USP14: variants seen among roughly 807,000 people sequenced by gnomAD.
USP14 encodes ubiquitin carboxyl-terminal hydrolase 14.
Under a neutral mutation model 76.5 loss-of-function variants are expected in USP14, and 38 were observed. That is an observed-to-expected ratio of 0.50 (90% CI 0.38 to 0.65). The LOEUF is 0.65. Among genes scored for constraint, USP14 ranks in the 30% least tolerant of loss-of-function variants. The pLI, the probability that USP14 is intolerant of heterozygous loss-of-function variation, is 0.00. For missense variants in USP14, 467 were observed against 586.5 expected, an observed-to-expected ratio of 0.80 and a Z score of 2.10; for synonymous variants, 192 against 191.7, an observed-to-expected ratio of 1.00 and a Z score of -0.01.
At chr18:189,462 T>G (rs1910025839) in intron 5 of USP14, among the ~76,000 whole-genome samples, 1 of 151,994 alleles carries the variant, frequency 6.6e-6, no homozygotes, top group African/African-American at 2.4e-5. Flanking sequence ...ATCTTTTCCT[T>G]TTAGCTCAGT....
chr18:196,628 G>A lies in USP14; in HGVS notation c.464-9G>A. ...GTTTTACTAAGGCAATGTTTGCTTT[G>A]TCTTTAAGCCCTTAGAGATTTGTTT... is the stretch of plus-strand genomic sequence containing the variant. On this transcript the variant is annotated splice_polypyrimidine_tract_variant and intron_variant, in intron 6 of 15. Transcript: ENST00000261601. The A allele has an allele frequency of 6.2e-7, 1 of 1,608,586 alleles. No individual in the cohort carries two copies. Among genetic ancestry groups the A allele is most frequent in the Non-Finnish European group, 8.5e-7 (1 of 1,177,730 alleles).
chr18:184,380 AG>A (rs2143027244), intron 5 of USP14, among the ~76,000 whole-genome samples: 2 of 152,290 alleles, frequency 1.3e-5, no homozygotes, highest in South Asian at 4.1e-4. Context: ...ATTCCACGAG[AG>A]GTGTTTTACA....
At chr18:201,127 TC>T (rs1367047300) in intron 10 of USP14, among the ~76,000 whole-genome samples, 1 of 152,196 alleles carries the variant, frequency 6.6e-6, no homozygotes, top group Non-Finnish European at 1.5e-5. Flanking sequence ...AAAGTTAGCT[TC>T]TTCCTAAACA....
At chr18:169,991 T>C (rs1376901056) in intron 3 of USP14, among the ~76,000 whole-genome samples, 1 of 151,968 alleles carries the variant, frequency 6.6e-6, no homozygotes, top group African/African-American at 2.4e-5. Context: ...CAAGACAGTA[T>C]TGAAATTAGG....
intron 15 of USP14, 69 bp downstream of exon 15, chr18:210,562 A>C: frequency 8.1e-7 from 1 of 1,229,216 alleles, no homozygotes; most frequent in Non-Finnish European, 1.1e-6. Context: ...ATTTTATAGC[A>C]GTGTGGTTTT....
intron 6 of USP14, among the ~76,000 whole-genome samples, chr18:194,484 TACTA>T (rs749286111): frequency 2.0e-5 from 3 of 152,248 alleles, no homozygotes; most frequent in Non-Finnish European, 2.9e-5. Context: ...ATTCACCAGT[TACTA>T]ACTTTTAGTC....
chr18:203,523 G>A (rs966377713), intron 12 of USP14, among the ~76,000 whole-genome samples: 11 of 152,004 alleles, frequency 7.2e-5, no homozygotes, highest in Middle Eastern at 3.2e-3. Flanking sequence ...CCTAGACCAC[G>A]TCCTCAGCTT....
At chr18:181,940 A>G (rs780129343) in intron 5 of USP14, among the ~76,000 whole-genome samples, 2 of 152,088 alleles carry the variant, frequency 1.3e-5, no homozygotes, top group African/African-American at 2.4e-5. Context: ...TTGCATGTGT[A>G]TATCCAGTTC....
Position 213,234 on chromosome 18 carries a change from G to A in USP14, c.*1950G>A. 1 of 152,258 alleles carries A rather than the reference G, an allele frequency of 6.6e-6. No homozygotes were observed. Among genetic ancestry groups the A allele is most frequent in the African/African-American group, 2.4e-5 (1 of 41,556 alleles). The allele number at this position is 152,258 out of a possible 1,614,324, so 9.4% of individuals were successfully genotyped here. A position where few individuals can be genotyped will look rare whatever the true frequency, so the allele number is the denominator to read the frequency against. On this transcript the variant is annotated 3_prime_UTR_variant, in exon 16 of 16. Coordinates refer to ENST00000261601, the MANE Select transcript of USP14 (RefSeq NM_005151.4). Reference sequence around the variant, plus strand: ...TTAACAATTAGAATTTAGATTTTCTGACTGTAGCTACTAAATGTTGTAGCT... The same window carrying A: ...TTAACAATTAGAATTTAGATTTTCTAACTGTAGCTACTAAATGTTGTAGCT...
chr18:181,977 T>A (rs912146182), intron 5 of USP14, among the ~76,000 whole-genome samples: 1 of 152,302 alleles, frequency 6.6e-6, no homozygotes, highest in Non-Finnish European at 1.5e-5. Context: ...TGAAGGCTAT[T>A]GTTTCCCCAC....
At chr18:159,152 G>GTTCGCCGCCCTTCGTCGTCC (rs1909043941) in intron 1 of USP14, 1 of 167,416 alleles carries the variant, frequency 6.0e-6, no homozygotes, top group Non-Finnish European at 1.3e-5. Flanking sequence ...GCCAAGCGGC[G>GTTCGCCGCCCTTCGTCGTCC]TTCGCCGCCC....
chr18:205,801 G>A (rs778941121), intron 13 of USP14, among the ~76,000 whole-genome samples: 1 of 151,990 alleles, frequency 6.6e-6, no homozygotes, highest in Admixed American at 6.6e-5. Context: ...TTATACAAAC[G>A]AAATAAAAAC....
chr18:162,958 T>A (rs1011002103), intron 1 of USP14: 1 of 162,084 alleles, frequency 6.2e-6, no homozygotes, highest in Non-Finnish European at 1.3e-5. Context: ...CCACCACACC[T>A]GGCTAATTTT....
At chr18:202,985 C>G (rs757355988) in intron 11 of USP14, 40 bp downstream of exon 11, 2 of 1,608,560 alleles carry the variant, frequency 1.2e-6, no homozygotes, top group Admixed American at 3.3e-5. Context: ...TTCCGCTTCA[C>G]TGAAATATTT....
intron 5 of USP14, among the ~76,000 whole-genome samples, chr18:189,552 G>T (rs746405458): frequency 6.6e-6 from 1 of 151,686 alleles, no homozygotes; most frequent in Non-Finnish European, 1.5e-5. Flanking sequence ...GCACAATCTC[G>T]GCTCACTGCA....
At chr18:197,563 T>C (rs543124762) in intron 7 of USP14, 53 bp from the exon 8 acceptor site, 1 of 1,434,570 alleles carries the variant, frequency 7.0e-7, no homozygotes, top group African/African-American at 1.4e-5. Context: ...TGGAAGAACT[T>C]TGTAGATCAT....
chr18:184,166 C>T (rs565185436), intron 5 of USP14, among the ~76,000 whole-genome samples: 115 of 151,924 alleles, frequency 7.6e-4, no homozygotes, highest in Middle Eastern at 3.4e-3. Flanking sequence ...TTACTTTTTT[C>T]GCTTTTTGGT....
chr18:196,196 C>A (rs553502683), intron 6 of USP14, among the ~76,000 whole-genome samples: 1 of 151,972 alleles, frequency 6.6e-6, no homozygotes, highest in East Asian at 2.0e-4. Context: ...TGGTGGCATG[C>A]TCCTGTAATC....
At chr18:172,023 T>A (rs1598265647) in intron 3 of USP14, among the ~76,000 whole-genome samples, 2 of 152,196 alleles carry the variant, frequency 1.3e-5, no homozygotes, top group East Asian at 3.9e-4. Flanking sequence ...GGAGGAGAGC[T>A]TCAGGCTGGG....
Sources: gnomAD v4.1 joint callset for allele counts (sites outside exome capture counted in the v4.1 genomes callset) on GRCh38, gnomAD v4.1.1 for gene constraint, MANE v1.5 for transcripts, NCBI Gene and HGNC (gene_info 2026-07-23, HGNC 2026-07-21) for gene names.